VPS13D: variants seen among roughly 807,000 people sequenced by gnomAD.
VPS13D encodes the protein vacuolar protein sorting 13 homolog D, also known as intermembrane lipid transfer protein VPS13D.
A neutral mutation model predicts 461.9 loss-of-function variants in VPS13D; 187 were observed. The ratio of observed to expected loss-of-function variants is 0.40; its 90% CI spans 0.36 to 0.46. The LOEUF is 0.46. Ranked by LOEUF, VPS13D falls within the 20% of genes least tolerant of loss-of-function variation. VPS13D has a pLI of 0.60. For synonymous variants in VPS13D, 1,951 were observed against 1,986.3 expected (o/e 0.98, Z 0.47); for missense variants, 4,711 against 5,364.9 (o/e 0.88, Z 3.81).
chr1:12,293,129 A>C (rs1490115931), intron 23 of VPS13D, among the ~76,000 whole-genome samples: 1 of 152,222 alleles, frequency 6.6e-6, no homozygotes, highest in Non-Finnish European at 1.5e-5. Flanking sequence ...TTTCCTAGAA[A>C]CATTGATTCT....
Position 12,415,178 on chromosome 1 carries a change from C to G in VPS13D, c.12122C>G (p.Thr4041Ser), listed in dbSNP as rs1472991780. 6.2e-7 allele frequency: 1 copy of G among 1,613,932 alleles called. No individual in the cohort carries two copies. Among genetic ancestry groups the G allele is most frequent in the Non-Finnish European group, 8.5e-7 (1 of 1,179,988 alleles). The part of the protein sequence containing the change: ...DPFTRVHPYE[T>S]KEFIINDILK... ...TTCACTCGGGTACATCCCTATGAGACCAAGGAGTTCATCATCAATGATATC... is the reference window on the plus strand; with the variant it reads ...TTCACTCGGGTACATCCCTATGAGAGCAAGGAGTTCATCATCAATGATATC... The change falls in exon 64 of 70, where the codon ACC (threonine) becomes AGC (serine). Residue 4041 changes from threonine to serine, a missense_variant. This residue lies in a region of VPS13D where 4,411 missense variants were observed against 4,937.8 expected (regional missense o/e 0.89). Coordinates refer to ENST00000620676, the MANE Select transcript of VPS13D (RefSeq NM_015378.4).
At chr1:12,379,432 G>C in intron 56 of VPS13D, 56 bp from the exon 57 acceptor site, 2 of 1,511,096 alleles carry the variant, frequency 1.3e-6, no homozygotes, top group Non-Finnish European at 1.8e-6. Flanking sequence ...GTTCCCTTCA[G>C]GCGTGAAACA....
intron 6 of VPS13D, 50 bp from the exon 7 acceptor site, chr1:12,253,672 C>G: frequency 7.2e-7 from 1 of 1,397,832 alleles, no homozygotes; most frequent in Non-Finnish European, 1.0e-6. Context: ...GAATGACATT[C>G]ACGAATAAAG....
intron 57 of VPS13D, among the ~76,000 whole-genome samples, chr1:12,382,221 C>T (rs1644292659): frequency 6.6e-6 from 1 of 152,020 alleles, no homozygotes; most frequent in Admixed American, 6.6e-5. Context: ...CCTGCCTCAG[C>T]CTCCTGAGTA....
chr1:12,285,815 G>C (rs561292803), intron 21 of VPS13D, among the ~76,000 whole-genome samples: 28 of 152,230 alleles, frequency 1.8e-4, no homozygotes, highest in Admixed American at 5.9e-4. Context: ...GAAACTTCTT[G>C]TCTTTCTATT....
At chr1:12,298,451 C>T (rs1021137508) in intron 24 of VPS13D, among the ~76,000 whole-genome samples, 5 of 152,024 alleles carry the variant, frequency 3.3e-5, no homozygotes, top group Admixed American at 1.3e-4. Flanking sequence ...ACCAGTCTGG[C>T]CAACATGGTG....
intron 37 of VPS13D, among the ~76,000 whole-genome samples, chr1:12,330,425 T>G (rs1643300924): frequency 6.6e-6 from 1 of 152,082 alleles, no homozygotes; most frequent in Non-Finnish European, 1.5e-5. Flanking sequence ...AAAAAAAATT[T>G]AAAAAGTGAT....
chr1:12,353,061 C>T (rs1018457609), intron 46 of VPS13D, among the ~76,000 whole-genome samples: 1 of 139,570 alleles, frequency 7.2e-6, no homozygotes, highest in African/African-American at 2.7e-5. Context: ...CCAAAAAATA[C>T]TTGTACAAGA....
chr1:12,489,505 G>T (rs1448034840), intron 67 of VPS13D, among the ~76,000 whole-genome samples: 6 of 152,178 alleles, frequency 3.9e-5, no homozygotes, highest in African/African-American at 1.4e-4. Flanking sequence ...TGTGTGTTAT[G>T]CATGTATGAC....
intron 67 of VPS13D, among the ~76,000 whole-genome samples, chr1:12,496,856 GCCAGGTCCAGGTCCAGGT>G (rs544192024): frequency 1.3e-5 from 2 of 152,024 alleles, no homozygotes; most frequent in African/African-American, 4.8e-5. Context: ...TGTGGCCTGG[GCCAGGTCCAGGTCCAGGT>G]CCAGGTCCAG....
At chr1:12,285,296 AT>A (rs67174302) in intron 21 of VPS13D, among the ~76,000 whole-genome samples, 1,393 of 133,680 alleles carry the variant, frequency 0.01, 32 homozygotes, top group African/African-American at 0.037. Context: ...TTATTTATTT[AT>A]TTTTTTTTTT....
intron 68 of VPS13D, chr1:12,500,184 T>TTTAA: frequency 1.0e-6 from 1 of 984,464 alleles, no homozygotes; most frequent in Non-Finnish European, 1.2e-6. Context: ...TGTCATTCTA[T>TTTAA]TTAATTAATT....
chr1:12,449,609 A>C (rs1329199985), intron 65 of VPS13D, among the ~76,000 whole-genome samples: 1 of 152,160 alleles, frequency 6.6e-6, no homozygotes, highest in Non-Finnish European at 1.5e-5. Context: ...TTAACTGTGG[A>C]TATTTTGACA....
intron 40 of VPS13D, among the ~76,000 whole-genome samples, chr1:12,339,533 G>A (rs1405369081): frequency 3.3e-5 from 5 of 152,206 alleles, no homozygotes; most frequent in African/African-American, 1.2e-4. Flanking sequence ...CTCAGCCCAT[G>A]AAGAAATTGG....
intron 36 of VPS13D, among the ~76,000 whole-genome samples, chr1:12,329,219 A>G (rs373223502): frequency 1.3e-4 from 19 of 151,262 alleles, no homozygotes; most frequent in South Asian, 1.3e-3. Flanking sequence ...TTTATTTTTT[A>G]TCTTTATTTT....
chr1:12,277,284 C>G lies in VPS13D; in HGVS notation c.3696C>G (p.Asn1232Lys). 2 of 1,614,182 alleles carry G rather than the reference C, an allele frequency of 1.2e-6. No homozygotes were observed. The highest frequency in any genetic ancestry group is 1.7e-6 in the Non-Finnish European group (2 of 1,180,042). The change falls in exon 19 of 70, where the codon AAC (asparagine) becomes AAG (lysine). Residue 1232 changes from asparagine to lysine, a missense_variant. By Grantham distance (94) the Asn-to-Lys change is moderately conservative. Transcript: ENST00000620676. ...LMDLTQDNVK[N>K]QYVVSIGNSV... Reference sequence around the variant, plus strand: ...ATTTGACACAAGATAACGTTAAAAACCAGTATGTTGTCAGCATTGGGAATT... The same window carrying G: ...ATTTGACACAAGATAACGTTAAAAAGCAGTATGTTGTCAGCATTGGGAATT...
chr1:12,419,501 T>G (rs924002383), intron 65 of VPS13D, among the ~76,000 whole-genome samples: 8 of 152,204 alleles, frequency 5.3e-5, no homozygotes, highest in African/African-American at 7.2e-5. Context: ...AGCATCTGCT[T>G]CTGGCGAAGT....
rs564661205 is a variant in VPS13D at position 12,347,211 on chromosome 1, C to T, written c.9069+559C>T. 4.8e-4 allele frequency among the ~76,000 whole-genome samples: 73 copies of T among 152,054 alleles called. 1 individual carries two copies. Among genetic ancestry groups the T allele is most frequent in the Admixed American group, 1.4e-3 (21 of 15,294 alleles). On this transcript the variant is annotated intron_variant, in intron 44 of 69. Coordinates refer to ENST00000620676, the MANE Select transcript of VPS13D (RefSeq NM_015378.4). Reference sequence around the variant, plus strand: ...TTTGAGACGGAGTCTCGCTCTGTTGCCCAGGCTGGAATGCAGTGGTGCCGT... The same window carrying T: ...TTTGAGACGGAGTCTCGCTCTGTTGTCCAGGCTGGAATGCAGTGGTGCCGT...
intron 6 of VPS13D, among the ~76,000 whole-genome samples, chr1:12,253,482 C>T (rs1569687939): frequency 6.6e-6 from 1 of 152,146 alleles, no homozygotes; most frequent in East Asian, 1.9e-4. Context: ...CTCATAGCAT[C>T]GTATAGATTC....
Sources: gnomAD v4.1 joint callset for allele counts (sites outside exome capture counted in the v4.1 genomes callset) on GRCh38, gnomAD v4.1.1 for gene constraint, gnomAD v4.1.1 regional missense constraint, MANE v1.5 for transcripts, NCBI Gene and HGNC (gene_info 2026-07-23, HGNC 2026-07-21) for gene names.